TLCD4: variants seen among roughly 807,000 people sequenced by gnomAD.
TLCD4 encodes TLC domain containing 4, also known as TLC domain-containing protein 4.
In TLCD4, 7 loss-of-function variants were observed where a neutral mutation model predicts 24.2. That is an observed-to-expected ratio of 0.29 (90% CI 0.16 to 0.54). The LOEUF is 0.54. TLCD4 is among the 20% of genes least tolerant of loss of function. The probability of loss-of-function intolerance (pLI) is 0.95; values close to 1 mark genes in which losing one functional copy is unlikely to be tolerated. For missense variants in TLCD4, 259 were observed against 313.9 expected (o/e 0.82, Z 1.32); for synonymous variants, 103 against 106.4 (o/e 0.97, Z 0.20).
chr1:95,106,374 C>T, the TLCD4 span, among the ~76,000 whole-genome samples: 1 of 152,096 alleles, frequency 6.6e-6, no homozygotes. Flanking sequence ...CTTAAAATAT[C>T]CTTTCCCCTA....
intron 6 of TLCD4, 66 bp from the exon 7 acceptor site, chr1:95,191,484 A>G (rs1385843586): frequency 5.9e-6 from 9 of 1,523,764 alleles, no homozygotes; most frequent in Non-Finnish European, 7.9e-6. Context: ...TTTAAAAACT[A>G]AAATAAAAAT....
At chr1:95,161,824 C>T (rs1220106054) in intron 5 of TLCD4, among the ~76,000 whole-genome samples, 6 of 152,208 alleles carry the variant, frequency 3.9e-5, no homozygotes, top group Non-Finnish European at 8.8e-5. Flanking sequence ...GAGTGAGATT[C>T]TTAATCCTGA....
intron 1 of TLCD4, among the ~76,000 whole-genome samples, chr1:95,141,833 A>ACACACACACAC (rs1557682576): frequency 2.5e-4 from 37 of 149,854 alleles, no homozygotes; most frequent in Middle Eastern, 3.4e-3. Context: ...ACACACACAC[A>ACACACACACAC]AAGAATGAGG....
intron 4 of TLCD4, among the ~76,000 whole-genome samples, chr1:95,150,578 A>G (rs71654414): frequency 0.15 from 23,441 of 152,044 alleles, 1,966 homozygotes; most frequent in Non-Finnish European, 0.18. Context: ...AACTAACGAA[A>G]TTTAACTTTT....
rs1310682794 is a variant in TLCD4 at position 95,193,472 on chromosome 1, A to G, written c.*1604A>G. 6.6e-6 allele frequency: 1 copy of G among 152,126 alleles called. No individual in the cohort carries two copies. Among genetic ancestry groups the G allele is most frequent in the Non-Finnish European group, 1.5e-5 (1 of 67,968 alleles). The allele number at this position is 152,126 out of a possible 1,614,324, so 9.4% of individuals were successfully genotyped here. ...AGAAATTTAATTCTACCAGTGATGA[A>G]TACTTGAAATTAATTGAACTCATAC... On this transcript the variant is annotated 3_prime_UTR_variant, in exon 7 of 7. Transcript: ENST00000370203.
At position 95,151,416 on chromosome 1, in the gene TLCD4, A is replaced by G. The variant is rs1469056231; in HGVS notation, c.396A>G (p.Val132=). 3 of 1,612,510 alleles carry G rather than the reference A, an allele frequency of 1.9e-6. No homozygotes were observed. The South Asian group carries it at 3.3e-5, about 18-fold the overall frequency. ...CGTCCCTGTATGCATACTACCTTGT[A>G]CTGGTGAGTTCCAGGATTTTCTGTA... ...HCASLYAYYL[V]LKNGVLAYIG... is the part of the protein sequence containing the mutation. Residue 132 remains valine (V), a synonymous_variant, in exon 5 of 7, where the codon GTA becomes GTG. Transcript: ENST00000370203.
At chr1:95,150,514 C>G (rs187397642) in intron 4 of TLCD4, among the ~76,000 whole-genome samples, 3 of 152,066 alleles carry the variant, frequency 2.0e-5, no homozygotes. Context: ...TTTTTATCAG[C>G]AAGGATATGG....
intron 1 of TLCD4, among the ~76,000 whole-genome samples, chr1:95,141,016 T>G (rs1677184705): frequency 6.6e-6 from 1 of 152,238 alleles, no homozygotes. Context: ...GAGGCAAAGC[T>G]GAGAGTAGAA....
rs759025301 is a variant in TLCD4 at position 95,148,746 on chromosome 1, T to C, written c.200T>C (p.Leu67Pro). ...TCTTTGGTGGTTGGTATTTTTGGCCTGTACATTTTCTTATTCGATGAGGCT... is the reference window on the plus strand; with the variant it reads ...TCTTTGGTGGTTGGTATTTTTGGCCCGTACATTTTCTTATTCGATGAGGCT... ...CHSLVVGIFGLYIFLFDEATK... is the reference protein window; with the variant it reads ...CHSLVVGIFGPYIFLFDEATK... The change falls in exon 3 of 7, where the codon CTG (leucine) becomes CCG (proline). Residue 67 changes from leucine (L) to proline (P), a missense_variant. Transcript: ENST00000370203. The C allele has an allele frequency of 1.2e-6, 2 of 1,613,688 alleles. No homozygotes were observed. Among genetic ancestry groups the C allele is most frequent in the Non-Finnish European group, 1.7e-6 (2 of 1,179,812 alleles).
chr1:95,150,363 T>C, intron 4 of TLCD4, 97 bp downstream of exon 4: 3 of 1,461,100 alleles, frequency 2.1e-6, no homozygotes, highest in South Asian at 1.4e-5. Flanking sequence ...ATTTGAGAGA[T>C]AGCATTTAGG....
chr1:95,117,713 G>A (rs1676464896), intron 1 of TLCD4, 96 bp downstream of exon 1: 1 of 151,408 alleles, frequency 6.6e-6, no homozygotes, highest in Non-Finnish European at 1.5e-5. Flanking sequence ...CGCGGAGAGG[G>A]GTGCCGCGGC....
At position 95,194,858 on chromosome 1, in the gene TLCD4, G is replaced by T. The variant is rs1458266182; in HGVS notation, c.*2990G>T. ...GATTATTTGCATTTATGTAAAACTG[G>T]AAATGAAGTTATATATGAGTGCAAA... On this transcript the variant is annotated 3_prime_UTR_variant, in exon 7 of 7. Coordinates refer to ENST00000370203, the MANE Select transcript of TLCD4 (RefSeq NM_152487.3). 1 of 152,086 alleles carries T rather than the reference G, an allele frequency of 6.6e-6. No homozygotes were observed. Among genetic ancestry groups the T allele is most frequent in the Non-Finnish European group, 1.5e-5 (1 of 67,998 alleles). The allele number at this position is 152,086 out of a possible 1,614,324, so 9.4% of individuals were successfully genotyped here. A position where few individuals can be genotyped will look rare whatever the true frequency, so the allele number is the denominator to read the frequency against.
chr1:95,099,715 T>A, the TLCD4 span, among the ~76,000 whole-genome samples: 3 of 152,220 alleles, frequency 2.0e-5, no homozygotes, highest in Non-Finnish European at 4.4e-5. Flanking sequence ...ATGTAATGTT[T>A]ATTGAGTATA....
At chr1:95,151,917 G>C (rs1197655405) in intron 5 of TLCD4, among the ~76,000 whole-genome samples, 1 of 152,052 alleles carries the variant, frequency 6.6e-6, no homozygotes, top group Non-Finnish European at 1.5e-5. Context: ...ATCTCAGGCA[G>C]TAAAGCATAT....
intron 6 of TLCD4, 100 bp from the exon 7 acceptor site, chr1:95,191,450 C>A: frequency 7.0e-7 from 1 of 1,424,222 alleles, no homozygotes; most frequent in Non-Finnish European, 9.3e-7. Flanking sequence ...AGGCCCTTTG[C>A]TCCTCCTTCA....
chr1:95,111,229 G>A, the TLCD4 span, among the ~76,000 whole-genome samples: 3 of 151,598 alleles, frequency 2.0e-5, no homozygotes, highest in African/African-American at 7.3e-5. Context: ...TGCAGCTCAA[G>A]ATTACGGTGA....
intron 3 of TLCD4, 65 bp downstream of exon 3, chr1:95,148,856 A>T: frequency 6.4e-7 from 1 of 1,573,532 alleles, no homozygotes; most frequent in African/African-American, 1.4e-5. Context: ...TATTTATAAG[A>T]ACATCACTTA....
intron 3 of TLCD4, among the ~76,000 whole-genome samples, chr1:95,149,198 A>C (rs1045104912): frequency 6.6e-6 from 1 of 152,184 alleles, no homozygotes; most frequent in Non-Finnish European, 1.5e-5. Context: ...AAAGAGATGA[A>C]ATGAGAGTTA....
chr1:95,107,638 C>A, the TLCD4 span, among the ~76,000 whole-genome samples: 1 of 151,980 alleles, frequency 6.6e-6, no homozygotes, highest in Admixed American at 6.6e-5. Flanking sequence ...CTATGAAAAC[C>A]ACTTATGAAT....
Sources: gnomAD v4.1 joint callset for allele counts (sites outside exome capture counted in the v4.1 genomes callset) on GRCh38, gnomAD v4.1.1 for gene constraint, MANE v1.5 for transcripts, NCBI Gene and HGNC (gene_info 2026-07-23, HGNC 2026-07-21) for gene names.